The following RWDD1 variants were observed in gnomAD, a reference collection of about 807,000 sequenced individuals.
The protein encoded by RWDD1 is RWD domain containing 1.
RWDD1 carries 17 observed loss-of-function variants against 31.6 expected under a neutral mutation model. The observed-to-expected ratio is 0.54, with a 90% CI of 0.37 to 0.81. RWDD1 has a LOEUF of 0.81. Among genes scored for constraint, RWDD1 ranks in the 30% least tolerant of loss-of-function variants. The pLI, the probability that RWDD1 is intolerant of heterozygous loss-of-function variation, is 0.00. For synonymous variants in RWDD1, 78 were observed against 94.2 expected (o/e 0.83, Z 0.99); for missense variants, 204 against 274.5 (o/e 0.74, Z 1.82).
chr6:116,585,091 T>C (rs532586492), intron 3 of RWDD1, among the ~76,000 whole-genome samples: 105 of 152,316 alleles, frequency 6.9e-4, no homozygotes, highest in Non-Finnish European at 1.2e-3. Context: ...CATGGCTTTT[T>C]CCCTCATGTC....
chr6:116,591,006 A>G (rs1319888006), intron 6 of RWDD1, 56 bp downstream of exon 6: 1 of 1,504,754 alleles, frequency 6.6e-7, no homozygotes, highest in Non-Finnish European at 8.8e-7. Flanking sequence ...CAAACCTGTA[A>G]TCCCAGCATT....
At position 116,588,998 on chromosome 6, in the gene RWDD1, G is replaced by T. The variant is rs1357819751; in HGVS notation, c.414+13G>T. On this transcript the variant is annotated intron_variant, in intron 4 of 6. Transcript: ENST00000466444. ...AGAAGCTGAAAAGGTATATTTAAAA[G>T]CCTTGTTTTCTTTTATTATTTCTTA... The T allele has an allele frequency of 3.8e-6, 5 of 1,299,668 alleles. No homozygotes were observed. Among genetic ancestry groups the T allele is most frequent in the Non-Finnish European group, 5.0e-6 (5 of 1,008,854 alleles). The allele number at this position is 1,299,668 out of a possible 1,614,324, so 80.5% of individuals were successfully genotyped here. A position where few individuals can be genotyped will look rare whatever the true frequency, so the allele number is the denominator to read the frequency against.
At chr6:116,583,541 C>T (rs1023805317) in intron 2 of RWDD1, among the ~76,000 whole-genome samples, 27 of 151,948 alleles carry the variant, frequency 1.8e-4, no homozygotes, top group Non-Finnish European at 3.7e-4. Flanking sequence ...CATACACACA[C>T]ACACACACAC....
Position 116,584,709 on chromosome 6 carries a change from T to G in RWDD1, c.140-18T>G, listed in dbSNP as rs760568012. 3.1e-6 allele frequency: 5 copies of G among 1,606,746 alleles called. No individual in the cohort carries two copies. In the South Asian group the frequency reaches 4.4e-5, roughly 14 times the overall value. ...TACTTTTAAGGTATTCACATCAAAC[T>G]CTTATCTTGTGTCTTAGCTGTCCAG... On this transcript the variant is annotated intron_variant, in intron 2 of 6. Transcript: ENST00000466444.
At position 116,588,825 on chromosome 6, in the gene RWDD1, C is replaced by G. The variant is rs1775085342; in HGVS notation, c.271-17C>G. ...TTTTCTGAGAGTTATTCCTCATCAC[C>G]TTTTTGTGTTACACAGGCTGAAGAA... On this transcript the variant is annotated splice_polypyrimidine_tract_variant and intron_variant, in intron 3 of 6. Transcript: ENST00000466444. The G allele has an allele frequency of 6.6e-6, 10 of 1,511,620 alleles. No individual in the cohort carries two copies. The highest frequency in any genetic ancestry group is 7.9e-6 in the Non-Finnish European group (9 of 1,139,874). The allele number at this position is 1,511,620 out of a possible 1,614,324, so 93.6% of individuals were successfully genotyped here.
intron 6 of RWDD1, 31 bp from the exon 7 acceptor site, chr6:116,592,949 A>ATTT (rs2243350): frequency 2.6e-5 from 38 of 1,440,938 alleles, no homozygotes; most frequent in Admixed American, 1.4e-4. Flanking sequence ...ACTAAAGGAG[A>ATTT]TTTTTTTTTT....
chr6:116,593,139 A>G lies in RWDD1; in HGVS notation c.*38A>G, dbSNP rs779050387. The G allele has an allele frequency of 4.4e-6, 7 of 1,584,996 alleles. No homozygotes were observed. The African/African-American group carries it at 9.5e-5, about 22-fold the overall frequency. ...ATCTGCAGAGAGGCTTGACTGCCAC[A>G]GCATCTGTGGCTATGCTCAGAGGGT... On this transcript the variant is annotated 3_prime_UTR_variant, in exon 7 of 7. Coordinates refer to ENST00000466444, the MANE Select transcript of RWDD1 (RefSeq NM_015952.4).
Position 116,595,040 on chromosome 6 carries a change from C to T in RWDD1, c.*1939C>T, listed in dbSNP as rs903054450. 1 of 152,086 alleles carries T rather than the reference C, an allele frequency of 6.6e-6. No individual in the cohort carries two copies. Among genetic ancestry groups the T allele is most frequent in the Non-Finnish European group, 1.5e-5 (1 of 67,996 alleles). 9.4% of individuals were successfully genotyped at this position (152,086 alleles called of 1,614,324 possible). A position where few individuals can be genotyped will look rare whatever the true frequency, so the allele number is the denominator to read the frequency against. On this transcript the variant is annotated 3_prime_UTR_variant, in exon 7 of 7. Transcript: ENST00000466444. ...TCAGCATTTCTTTGCAGAGAGAAAT[C>T]CAAAAGTTTGTCCTATGTGAGATTT...
intron 2 of RWDD1, among the ~76,000 whole-genome samples, chr6:116,584,108 G>A (rs1028638362): frequency 2.0e-5 from 3 of 152,222 alleles, no homozygotes; most frequent in African/African-American, 7.2e-5. Context: ...GCTGCAGAGA[G>A]GCACCTTGCA....
chr6:116,579,165 T>G (rs1268043897), intron 1 of RWDD1, among the ~76,000 whole-genome samples: 1 of 152,218 alleles, frequency 6.6e-6, no homozygotes, highest in African/African-American at 2.4e-5. Context: ...CATGAGCCAC[T>G]GTGCCCGGCC....
chr6:116,582,182 G>A (rs1012291158), intron 2 of RWDD1, among the ~76,000 whole-genome samples: 2 of 149,824 alleles, frequency 1.3e-5, no homozygotes, highest in Non-Finnish European at 3.0e-5. Context: ...GGGATTATTT[G>A]TTATTTTATT....
intron 3 of RWDD1, among the ~76,000 whole-genome samples, chr6:116,586,860 A>G (rs1775049831): frequency 6.6e-6 from 1 of 152,206 alleles, no homozygotes; most frequent in Non-Finnish European, 1.5e-5. Context: ...CCAATTTATG[A>G]TCTCACTGTA....
Position 116,593,137 on chromosome 6 carries a change from A to G in RWDD1, c.*36A>G, listed in dbSNP as rs770936142. 7 of 1,586,220 alleles carry G rather than the reference A, an allele frequency of 4.4e-6. No homozygotes were observed. ...CCATCTGCAGAGAGGCTTGACTGCC[A>G]CAGCATCTGTGGCTATGCTCAGAGG... On this transcript the variant is annotated 3_prime_UTR_variant, in exon 7 of 7. Coordinates refer to ENST00000466444, the MANE Select transcript of RWDD1 (RefSeq NM_015952.4).
intron 1 of RWDD1, among the ~76,000 whole-genome samples, chr6:116,574,436 AG>A (rs1301729617): frequency 1.3e-5 from 2 of 152,192 alleles, no homozygotes; most frequent in Non-Finnish European, 2.9e-5. Context: ...ACTTTTTGAA[AG>A]GTCAGACACT....
At chr6:116,583,729 C>A (rs1774988588) in intron 2 of RWDD1, among the ~76,000 whole-genome samples, 1 of 151,798 alleles carries the variant, frequency 6.6e-6, no homozygotes. Context: ...CTTGTTCCAC[C>A]AATAAAACTA....
At chr6:116,590,787 T>C in intron 5 of RWDD1, 101 bp from the exon 6 acceptor site, 1 of 1,450,794 alleles carries the variant, frequency 6.9e-7, no homozygotes, top group Non-Finnish European at 9.1e-7. Flanking sequence ...TTATTGAAAT[T>C]CACAGAAAAA....
At chr6:116,585,110 TA>T (rs1225470083) in intron 3 of RWDD1, among the ~76,000 whole-genome samples, 1 of 152,202 alleles carries the variant, frequency 6.6e-6, no homozygotes, top group Non-Finnish European at 1.5e-5. Context: ...TCATTAGTGA[TA>T]AAAAGTCCAA....
chr6:116,582,314 G>C (rs951341467), intron 2 of RWDD1, among the ~76,000 whole-genome samples: 3 of 148,854 alleles, frequency 2.0e-5, no homozygotes, highest in Non-Finnish European at 4.5e-5. Context: ...ATACCTGCAT[G>C]GTGAAAATCA....
chr6:116,581,215 G>A (rs1204012445), intron 2 of RWDD1, among the ~76,000 whole-genome samples: 1 of 151,954 alleles, frequency 6.6e-6, no homozygotes, highest in Non-Finnish European at 1.5e-5. Context: ...AAATTTTTCT[G>A]TAATGCTTTA....
Sources: gnomAD v4.1 joint callset for allele counts (sites outside exome capture counted in the v4.1 genomes callset) on GRCh38, gnomAD v4.1.1 for gene constraint, MANE v1.5 for transcripts, NCBI Gene and HGNC (gene_info 2026-07-23, HGNC 2026-07-21) for gene names.